COL22A1: variants seen among roughly 807,000 people sequenced by gnomAD.
COL22A1 encodes the protein collagen alpha-1(XXII) chain.
In COL22A1, 221 loss-of-function variants were observed where a neutral mutation model predicts 248.9. The observed-to-expected ratio is 0.89, with a 90% confidence interval of 0.80 to 0.99. The LOEUF (loss-of-function observed/expected upper bound fraction) is 0.99, where lower values mean the gene tolerates loss of function less well. Ranked by LOEUF, COL22A1 falls within the 50% of genes least tolerant of loss-of-function variation. COL22A1 has a pLI of 0.00. For missense variants in COL22A1, 2,240 were observed against 2,179.0 expected (o/e 1.03, Z -0.56); for synonymous variants, 891 against 793.4 (o/e 1.12, Z -2.07).
At position 138,762,426 on chromosome 8, in the gene COL22A1, TC is replaced by T. The variant is rs755542556; in HGVS notation, c.1843del (p.Asp615ThrfsTer41). The T allele has an allele frequency of 1.9e-6, 3 of 1,613,984 alleles. No homozygotes were observed. The highest frequency in any genetic ancestry group is 2.5e-6 in the Non-Finnish European group (3 of 1,179,948). ...GLDGFPGKPG[D>X]TGQQGRPGPS... ...GCACCCACCTACCTGCTGTCCTGTG[TC>T]CCCAGGCTTCCCAGGGAATCCATCC... is the stretch of plus-strand genomic sequence containing the variant. On this transcript the variant is annotated frameshift_variant, in exon 17 of 65. Coordinates refer to ENST00000303045, the MANE Select transcript of COL22A1 (RefSeq NM_152888.3). LOFTEE classifies it high-confidence loss of function.
chr8:138,871,089 T>C (rs1470359098), intron 3 of COL22A1, among the ~76,000 whole-genome samples: 2 of 152,034 alleles, frequency 1.3e-5, no homozygotes, highest in Non-Finnish European at 2.9e-5. Flanking sequence ...TTGATTCCTG[T>C]ACAAGACTCT....
At chr8:138,766,847 C>T (rs1454376876) in intron 16 of COL22A1, among the ~76,000 whole-genome samples, 1 of 152,230 alleles carries the variant, frequency 6.6e-6, no homozygotes, top group Non-Finnish European at 1.5e-5. Context: ...GGCACCCATG[C>T]CCCCCTGCAG....
At chr8:138,767,087 T>C (rs1833966454) in intron 16 of COL22A1, among the ~76,000 whole-genome samples, 1 of 152,246 alleles carries the variant, frequency 6.6e-6, no homozygotes, top group African/African-American at 2.4e-5. Flanking sequence ...TTAGCAGCTC[T>C]GTCACTCGGT....
At chr8:138,674,210 T>A (rs1825303148) in intron 41 of COL22A1, among the ~76,000 whole-genome samples, 1 of 152,078 alleles carries the variant, frequency 6.6e-6, no homozygotes, top group Non-Finnish European at 1.5e-5. Flanking sequence ...CAGGACCAAA[T>A]GAGGAGGTAG....
At chr8:138,761,345 C>T (rs1375741644) in intron 17 of COL22A1, among the ~76,000 whole-genome samples, 1 of 152,122 alleles carries the variant, frequency 6.6e-6, no homozygotes, top group African/African-American at 2.4e-5. Context: ...TACCATAGAC[C>T]ATTAACTGGT....
At chr8:138,882,946 G>T in intron 2 of COL22A1, 136 bp downstream of exon 2, 1 of 799,576 alleles carries the variant, frequency 1.3e-6, no homozygotes, top group Non-Finnish European at 1.9e-6. Context: ...ACTCACACTT[G>T]GATTCCGGAC....
intron 16 of COL22A1, among the ~76,000 whole-genome samples, chr8:138,772,604 T>G (rs1252144964): frequency 6.6e-6 from 1 of 152,254 alleles, no homozygotes; most frequent in Non-Finnish European, 1.5e-5. Context: ...ATTCACCTTT[T>G]CATACATTTC....
rs776952230 is a variant in COL22A1 at position 138,664,895 on chromosome 8, G to T, written c.3151-1155C>A. On this transcript the variant is annotated intron_variant, in intron 41 of 64. Transcript: ENST00000303045. Reference sequence around the variant, plus strand: ...AGAGAGAGAGACCTGCCCTAGCAACGCCAGGAGTCACTGGCCAGGGTGAGG... The same window carrying T: ...AGAGAGAGAGACCTGCCCTAGCAACTCCAGGAGTCACTGGCCAGGGTGAGG... 1.4e-4 allele frequency among the ~76,000 whole-genome samples: 22 copies of T among 152,194 alleles called. No individual in the cohort carries two copies. The South Asian group carries it at 1.5e-3, about 10-fold the overall frequency.
At chr8:138,767,535 C>T (rs1834005224) in intron 16 of COL22A1, among the ~76,000 whole-genome samples, 1 of 152,190 alleles carries the variant, frequency 6.6e-6, no homozygotes, top group Non-Finnish European at 1.5e-5. Flanking sequence ...CTCTGATTCT[C>T]ATATCCGGAA....
In COL22A1 at chr8:138,685,238, C is replaced by T; in HGVS notation, c.2937G>A (p.Gly979=). The change falls in exon 38 of 65, where the codon GGG becomes GGA. Residue 979 remains glycine, a synonymous_variant. Coordinates refer to ENST00000303045, the MANE Select transcript of COL22A1 (RefSeq NM_152888.3). ...RGDPGAPGLP[G]PPGKGKDGEP... is the part of the protein sequence containing the mutation. ...CTCCATCCTTCCCTTTTCCGGGTGG[C>T]CCAGGGAGCCCAGGAGCACCAGGAT... is the stretch of plus-strand genomic sequence containing the variant. 1.2e-6 allele frequency: 2 copies of T among 1,613,400 alleles called. No individual in the cohort carries two copies. Among genetic ancestry groups the T allele is most frequent in the Non-Finnish European group, 8.5e-7 (1 of 1,179,640 alleles).
At chr8:138,741,966 T>A (rs558648581) in intron 22 of COL22A1, among the ~76,000 whole-genome samples, 165 of 151,912 alleles carry the variant, frequency 1.1e-3, no homozygotes, top group African/African-American at 3.8e-3. Flanking sequence ...GTGATGGTGA[T>A]GGTGATGGTA....
intron 22 of COL22A1, among the ~76,000 whole-genome samples, chr8:138,740,377 G>A (rs1831455376): frequency 6.6e-6 from 1 of 152,174 alleles, no homozygotes; most frequent in African/African-American, 2.4e-5. Context: ...GACTCATTAA[G>A]ATGCCGTTGT....
At chr8:138,742,374 T>G (rs1336296838) in intron 22 of COL22A1, among the ~76,000 whole-genome samples, 1 of 151,806 alleles carries the variant, frequency 6.6e-6, no homozygotes, top group Non-Finnish European at 1.5e-5. Context: ...TTGATGGTGA[T>G]GATGATGGTA....
intron 64 of COL22A1, among the ~76,000 whole-genome samples, chr8:138,590,106 A>G (rs1816910501): frequency 6.6e-6 from 1 of 152,140 alleles, no homozygotes; most frequent in Admixed American, 6.6e-5. Context: ...AAGCATCATG[A>G]CATCATATAT....
At chr8:138,627,743 C>G (rs952271178) in intron 50 of COL22A1, among the ~76,000 whole-genome samples, 1 of 152,168 alleles carries the variant, frequency 6.6e-6, no homozygotes, top group Admixed American at 6.5e-5. Flanking sequence ...CTGCAGTACA[C>G]CCTTGCTTTA....
At chr8:138,835,046 G>T (rs994281425) in intron 4 of COL22A1, among the ~76,000 whole-genome samples, 1 of 152,152 alleles carries the variant, frequency 6.6e-6, no homozygotes, top group Non-Finnish European at 1.5e-5. Flanking sequence ...CAGGGAAGGC[G>T]CTCCGGGAGG....
intron 41 of COL22A1, among the ~76,000 whole-genome samples, chr8:138,664,202 C>T (rs1032065484): frequency 1.2e-4 from 11 of 88,566 alleles, no homozygotes; most frequent in Middle Eastern, 5.7e-3. Context: ...GGTGCGCGCG[C>T]GCGCGCGCAC....
At chr8:138,744,034 T>A (rs55734613) in intron 22 of COL22A1, among the ~76,000 whole-genome samples, 31,893 of 152,108 alleles carry the variant, frequency 0.21, 3,928 homozygotes, top group African/African-American at 0.33. Context: ...TATTTTCTAC[T>A]GGTTAGAGCT....
At chr8:138,691,407 ATG>A in intron 35 of COL22A1, among the ~76,000 whole-genome samples, 1 of 143,132 alleles carries the variant, frequency 7.0e-6, no homozygotes, top group Middle Eastern at 4.0e-3. Flanking sequence ...AGGTATGTGT[ATG>A]TGTGCACGTC....
Sources: allele counts gnomAD v4.1 joint callset (sites outside exome capture counted in the v4.1 genomes callset), GRCh38; gene constraint gnomAD v4.1.1; transcripts MANE v1.5; gene names NCBI Gene and HGNC (gene_info 2026-07-23, HGNC 2026-07-21).